Variants in PLSCR2 observed in about 807,000 individuals in gnomAD.
PLSCR2 encodes the protein PL scramblase 2.
PLSCR2 carries 18 observed loss-of-function variants against 25.3 expected under a neutral mutation model. The ratio of observed to expected loss-of-function variants is 0.71; its 90% CI spans 0.49 to 1.06. The LOEUF (loss-of-function observed/expected upper bound fraction) is 1.06. Among genes scored for constraint, PLSCR2 ranks in the 50% least tolerant of loss-of-function variants. The pLI is 0.00. For synonymous variants in PLSCR2, 88 were observed against 87.3 expected (o/e 1.01, Z -0.04); for missense variants, 243 against 269.5 (o/e 0.90, Z 0.69).
exon 4 of PLSCR2, chr3:146,391,452 T>C (rs1424378838): frequency 6.6e-6 from 1 of 152,602 alleles, no homozygotes; most frequent in African/African-American, 2.4e-5. Flanking sequence ...TTAGATATTT[T>C]CAGTGAAAGT....
chr3:146,479,886 C>G lies in PLSCR2; in HGVS notation c.-293+16009G>C, dbSNP rs190376257. On this transcript the variant is annotated intron_variant, in intron 1 of 8. Coordinates refer to the PLSCR2 transcript ENST00000336685. ...AAGAAGAGAAATAACAACCAACTGT[C>G]TCTCAGACCACAGTACAATCAAATT... Among the ~76,000 whole-genome samples, 39 of 152,338 alleles carry G rather than the reference C, an allele frequency of 2.6e-4. 1 individual carries two copies. Among genetic ancestry groups the G allele is most frequent in the African/African-American group, 8.7e-4 (36 of 41,574 alleles).
intron 1 of PLSCR2, among the ~76,000 whole-genome samples, chr3:146,465,572 C>CAA (rs11459539): frequency 0.013 from 1,647 of 125,470 alleles, 17 homozygotes; most frequent in Admixed American, 0.029. Context: ...TCACCCTCCA[C>CAA]AAAAAAAAAA....
At chr3:146,487,042 T>C (rs1202601485) in intron 1 of PLSCR2, among the ~76,000 whole-genome samples, 1 of 152,112 alleles carries the variant, frequency 6.6e-6, no homozygotes, top group Admixed American at 6.6e-5. Flanking sequence ...ATTCATCACA[T>C]AAACAGAACT....
chr3:146,442,161 CTCT>C (rs1267348699), intron 6 of PLSCR2, among the ~76,000 whole-genome samples: 7 of 151,984 alleles, frequency 4.6e-5, no homozygotes, highest in African/African-American at 1.7e-4. Context: ...AGTAATATAA[CTCT>C]TCTTGTAATT....
At chr3:146,418,672 T>C (rs924498310) in intron 2 of PLSCR2, among the ~76,000 whole-genome samples, 8 of 152,198 alleles carry the variant, frequency 5.3e-5, no homozygotes, top group African/African-American at 1.7e-4. Context: ...TGCCCTCTTG[T>C]CCTGCAGCTC....
chr3:146,396,407 A>C (rs1380452753), intron 2 of PLSCR2, among the ~76,000 whole-genome samples: 1 of 152,102 alleles, frequency 6.6e-6, no homozygotes. Flanking sequence ...AGAGATACTC[A>C]TGTAAATATA....
At chr3:146,451,644 A>C (rs2040903331) in intron 5 of PLSCR2, among the ~76,000 whole-genome samples, 1 of 152,188 alleles carries the variant, frequency 6.6e-6, no homozygotes, top group Non-Finnish European at 1.5e-5. Context: ...GCTGGACACC[A>C]GAAAAACCAA....
downstream of PLSCR2, among the ~76,000 whole-genome samples, chr3:146,432,284 C>A (rs1259484092): frequency 6.6e-6 from 1 of 152,108 alleles, no homozygotes. Context: ...TACTTGAGCA[C>A]CTCCTTGAGT....
chr3:146,471,692 A>G lies in PLSCR2; in HGVS notation c.-292-11408T>C, dbSNP rs145242008. On this transcript the variant is annotated intron_variant, in intron 1 of 8. Coordinates refer to the PLSCR2 transcript ENST00000336685. ...AGAAATTCTCTTGCCTCAGCCTCCC[A>G]AGTAGCTGGGATTACAGGCATATGC... 3.3e-3 allele frequency among the ~76,000 whole-genome samples: 503 copies of G among 151,658 alleles called. 4 individuals are homozygous for G. The highest frequency in any genetic ancestry group is 0.012 in the African/African-American group (485 of 41,302).
intron 1 of PLSCR2, among the ~76,000 whole-genome samples, chr3:146,486,300 C>T (rs770010428): frequency 3.3e-5 from 5 of 149,940 alleles, no homozygotes; most frequent in Non-Finnish European, 5.9e-5. Flanking sequence ...TAGTGGAAAA[C>T]AAGAAATAAC....
chr3:146,403,394 T>C (rs1411649927), intron 2 of PLSCR2, among the ~76,000 whole-genome samples: 1 of 152,166 alleles, frequency 6.6e-6, no homozygotes, highest in Non-Finnish European at 1.5e-5. Flanking sequence ...AGCTGTGGAT[T>C]TTCTGAATCA....
intron 4 of PLSCR2, among the ~76,000 whole-genome samples, chr3:146,454,399 C>T (rs1159855804): frequency 6.6e-6 from 1 of 152,018 alleles, no homozygotes; most frequent in Non-Finnish European, 1.5e-5. Flanking sequence ...TATAATTATA[C>T]CTAACCTAAA....
At chr3:146,442,222 G>A (rs1287468157) in intron 6 of PLSCR2, among the ~76,000 whole-genome samples, 8 of 151,898 alleles carry the variant, frequency 5.3e-5, no homozygotes, top group South Asian at 2.1e-4. Context: ...TCCATTTACA[G>A]CAGCATCGAA....
At chr3:146,438,972 G>A, downstream of PLSCR2, among the ~76,000 whole-genome samples, 1 of 152,100 alleles carries the variant, frequency 6.6e-6, no homozygotes, top group Non-Finnish European at 1.5e-5. Context: ...CAGGCCTGGT[G>A]GTGACAAAAT....
intron 2 of PLSCR2, among the ~76,000 whole-genome samples, chr3:146,459,136 T>C (rs11914425): frequency 0.081 from 12,341 of 152,150 alleles, 632 homozygotes; most frequent in African/African-American, 0.13. Flanking sequence ...TAAACTATCA[T>C]GTAGTACAGC....
chr3:146,447,188 G>A (rs1338063248), intron 6 of PLSCR2, among the ~76,000 whole-genome samples: 1 of 152,148 alleles, frequency 6.6e-6, no homozygotes, highest in African/African-American at 2.4e-5. Context: ...CTCTCCCACT[G>A]TGGCCAAGCT....
chr3:146,487,594 C>T (rs1475771002), intron 1 of PLSCR2, among the ~76,000 whole-genome samples: 1 of 151,962 alleles, frequency 6.6e-6, no homozygotes, highest in African/African-American at 2.4e-5. Context: ...GAATAAAATA[C>T]CTAGAAATAC....
chr3:146,464,363 TGTTTC>T (rs1311214165), upstream of PLSCR2, among the ~76,000 whole-genome samples: 1 of 152,192 alleles, frequency 6.6e-6, no homozygotes, highest in African/African-American at 2.4e-5. Flanking sequence ...CCTACTGCTC[TGTTTC>T]TTTAGAGAAT....
At chr3:146,426,197 CCCT>C (rs1331251019) in intron 2 of PLSCR2, among the ~76,000 whole-genome samples, 5 of 144,316 alleles carry the variant, frequency 3.5e-5, no homozygotes, top group South Asian at 2.5e-4. Flanking sequence ...CTCCCTCCTT[CCCT>C]CCTTCCTTCC....
Sources: gnomAD v4.1 joint callset for allele counts (sites outside exome capture counted in the v4.1 genomes callset) on GRCh38, gnomAD v4.1.1 for gene constraint, MANE v1.5 for transcripts, NCBI Gene and HGNC (gene_info 2026-07-23, HGNC 2026-07-21) for gene names.